The following CADM2 variants were observed in gnomAD, a reference collection of about 807,000 sequenced individuals.
CADM2 encodes cell adhesion molecule 2.
In CADM2, 12 loss-of-function variants were observed where a neutral mutation model predicts 49.8. That is an observed-to-expected ratio of 0.24 (90% CI 0.15 to 0.39). The LOEUF (loss-of-function observed/expected upper bound fraction) is 0.39, where lower values mean the gene tolerates loss of function less well. CADM2 is among the 10% of genes least tolerant of loss of function. CADM2 has a pLI of 1.00. For synonymous variants in CADM2, 214 were observed against 175.4 expected (o/e 1.22, Z -1.74); for missense variants, 378 against 492.3 (o/e 0.77, Z 2.20).
intron 8 of CADM2, chr3:86,014,635 A>G (rs1731977720): frequency 1.3e-6 from 2 of 1,585,626 alleles, no homozygotes; most frequent in Non-Finnish European, 1.7e-6. Context: ...CAGCACCTCA[A>G]AGCTCTTAAA....
chr3:85,689,459 A>G (rs2066316830), intron 1 of CADM2, among the ~76,000 whole-genome samples: 1 of 152,234 alleles, frequency 6.6e-6, no homozygotes, highest in Non-Finnish European at 1.5e-5. Context: ...TATATGCAAT[A>G]TATTTGTGCA....
intron 1 of CADM2, among the ~76,000 whole-genome samples, chr3:85,007,354 A>T (rs574030054): frequency 6.6e-6 from 1 of 152,268 alleles, no homozygotes; most frequent in East Asian, 1.9e-4. Context: ...TCTCTGTGGC[A>T]ACTACTCATT....
chr3:85,898,955 A>ATATATAT lies in CADM2; in HGVS notation c.529+12629_529+12630insATATATT, dbSNP rs1475991339. Reference sequence around the variant, plus strand: ...TTATTGTGTATATATATATATATATATTTTTTTTTTTTTTTTTTTTTTTTT... The same window carrying ATATATAT: ...TTATTGTGTATATATATATATATATATATATATTTTTTTTTTTTTTTTTTTTTTTTTT... On this transcript the variant is annotated intron_variant, in intron 5 of 9. Coordinates refer to ENST00000383699, the MANE Select transcript of CADM2 (RefSeq NM_001167675.2). 4.7e-4 allele frequency among the ~76,000 whole-genome samples: 16 copies of ATATATAT among 33,918 alleles called. 1 individual carries two copies. Among genetic ancestry groups the ATATATAT allele is most frequent in the East Asian group, 1.8e-3 (2 of 1,142 alleles). 22.3% of individuals were successfully genotyped at this position (33,918 alleles called of 152,430 possible).
chr3:86,038,537 C>A (rs1311372659), intron 8 of CADM2, among the ~76,000 whole-genome samples: 1 of 152,132 alleles, frequency 6.6e-6, no homozygotes, highest in Non-Finnish European at 1.5e-5. Flanking sequence ...AGCCTGACTT[C>A]AATATAGTTC....
chr3:86,039,142 G>A (rs1194413735), intron 8 of CADM2, among the ~76,000 whole-genome samples: 1 of 152,126 alleles, frequency 6.6e-6, no homozygotes, highest in African/African-American at 2.4e-5. Flanking sequence ...CAGCATGAGC[G>A]ACGCAGAAGA....
intron 1 of CADM2, among the ~76,000 whole-genome samples, chr3:85,694,943 T>A (rs1223286553): frequency 5.9e-5 from 9 of 151,476 alleles, no homozygotes; most frequent in Non-Finnish European, 8.8e-5. Flanking sequence ...AAAAATAAAA[T>A]AAAAAAAATA....
At chr3:85,014,755 C>T (rs1034142729) in intron 1 of CADM2, among the ~76,000 whole-genome samples, 6 of 152,136 alleles carry the variant, frequency 3.9e-5, no homozygotes, top group Admixed American at 3.3e-4. Flanking sequence ...TCATAAGCTT[C>T]GGTTCCTCCT....
chr3:85,628,739 TC>T (rs1263176513), intron 1 of CADM2, among the ~76,000 whole-genome samples: 1 of 150,398 alleles, frequency 6.6e-6, no homozygotes, highest in Non-Finnish European at 1.5e-5. Context: ...TACACTATAC[TC>T]ATACAGGTAT....
At chr3:85,108,649 T>C (rs1268860311) in intron 1 of CADM2, among the ~76,000 whole-genome samples, 1 of 151,948 alleles carries the variant, frequency 6.6e-6, no homozygotes, top group Non-Finnish European at 1.5e-5. Flanking sequence ...TGCCTAAAAA[T>C]GGTTAAAACA....
rs150886051 is a variant in CADM2, at chr3:85,277,447, A to C, written c.61+317779A>C. ...ATTGAATGGCTGAGTCACTTATATA[A>C]TACCCAGCCAGATCCATGTTTCTAA... On this transcript the variant is annotated intron_variant, in intron 1 of 9. Coordinates refer to ENST00000383699, the MANE Select transcript of CADM2 (RefSeq NM_001167675.2). Among the ~76,000 whole-genome samples the C allele has an allele frequency of 5.5e-3, 840 of 151,378 alleles. 4 individuals carry two copies. The highest frequency in any genetic ancestry group is 0.019 in the African/African-American group (798 of 41,452).
chr3:85,388,509 G>A (rs1475125786), intron 1 of CADM2, among the ~76,000 whole-genome samples: 1 of 152,086 alleles, frequency 6.6e-6, no homozygotes, highest in Admixed American at 6.5e-5. Flanking sequence ...ACATATGTGT[G>A]TGTCTGTTTA....
chr3:85,714,224 GACTT>G (rs1277202113), intron 1 of CADM2, among the ~76,000 whole-genome samples: 2 of 152,044 alleles, frequency 1.3e-5, no homozygotes, highest in African/African-American at 4.8e-5. Context: ...TTCCAGAATT[GACTT>G]ACTATCTAGT....
chr3:85,500,212 C>T (rs2040058090), intron 1 of CADM2, among the ~76,000 whole-genome samples: 1 of 152,054 alleles, frequency 6.6e-6, no homozygotes, highest in African/African-American at 2.4e-5. Flanking sequence ...CATTATTTAT[C>T]CAGCGCTTCT....
intron 1 of CADM2, among the ~76,000 whole-genome samples, chr3:85,293,106 A>G (rs2043849912): frequency 6.6e-6 from 1 of 152,234 alleles, no homozygotes; most frequent in Non-Finnish European, 1.5e-5. Context: ...TAAAGGGGAT[A>G]TCATCACTGA....
rs1009869841 is a variant in CADM2 at position 86,067,107 on chromosome 3, T to C, written c.*324T>C. On this transcript the variant is annotated 3_prime_UTR_variant, in exon 10 of 10. Transcript: ENST00000383699. ...TGAGTGGTTTTTATACATTAAAAAA[T>C]GTATGCAGAGTTTTTTTCCCCCATT... is the stretch of plus-strand genomic sequence containing the variant. The C allele has an allele frequency of 2.0e-4, 43 of 210,650 alleles. No individual in the cohort carries two copies. Among genetic ancestry groups the C allele is most frequent in the Non-Finnish European group, 6.7e-5 (7 of 104,898 alleles). 13.0% of individuals were successfully genotyped at this position (210,650 alleles called of 1,614,324 possible).
intron 1 of CADM2, among the ~76,000 whole-genome samples, chr3:85,703,051 CAT>C (rs2066829811): frequency 6.6e-6 from 1 of 152,128 alleles, no homozygotes; most frequent in African/African-American, 2.4e-5. Flanking sequence ...CACAAACACA[CAT>C]ATATTAATAC....
Position 85,030,862 on chromosome 3 carries a change from T to A in CADM2, c.61+71194T>A, listed in dbSNP as rs146161448. Among the ~76,000 whole-genome samples the A allele has an allele frequency of 6.6e-5, 10 of 152,286 alleles. No individual in the cohort carries two copies. The East Asian group carries it at 1.9e-3, about 29-fold the overall frequency. On this transcript the variant is annotated intron_variant, in intron 1 of 9. Coordinates refer to ENST00000383699, the MANE Select transcript of CADM2 (RefSeq NM_001167675.2). ...TAAAAAACTAAATATCTTTCCATCCTGTATCAGTCATGGTTGCAGCAGAAA... is the reference window on the plus strand; with the variant it reads ...TAAAAAACTAAATATCTTTCCATCCAGTATCAGTCATGGTTGCAGCAGAAA...
At chr3:85,643,356 C>T (rs1036263124) in intron 1 of CADM2, among the ~76,000 whole-genome samples, 3 of 152,082 alleles carry the variant, frequency 2.0e-5, no homozygotes, top group African/African-American at 4.8e-5. Flanking sequence ...GACAAGTAGA[C>T]GTTAATTATT....
At chr3:85,573,382 G>A (rs1238339877) in intron 1 of CADM2, among the ~76,000 whole-genome samples, 3 of 151,794 alleles carry the variant, frequency 2.0e-5, no homozygotes, top group Admixed American at 6.6e-5. Flanking sequence ...TAGAGGAGAC[G>A]GGTTTCACCA....
Sources: allele counts gnomAD v4.1 joint callset (sites outside exome capture counted in the v4.1 genomes callset), GRCh38; gene constraint gnomAD v4.1.1; transcripts MANE v1.5; gene names NCBI Gene and HGNC (gene_info 2026-07-23, HGNC 2026-07-21).